Variants in CEP126 observed in about 807,000 individuals in gnomAD.
CEP126 encodes the protein centrosomal protein of 126 kDa.
In CEP126, 74 loss-of-function variants were observed where a neutral mutation model predicts 107.8. The ratio of observed to expected loss-of-function variants is 0.69; its 90% CI spans 0.57 to 0.83. The LOEUF is 0.83. Ranked by LOEUF, CEP126 falls within the 40% of genes least tolerant of loss-of-function variation. CEP126 has a pLI of 0.00. For missense variants in CEP126, 1,237 were observed against 1,281.9 expected (o/e 0.96, Z 0.53); for synonymous variants, 449 against 446.0 (o/e 1.01, Z -0.08).
intron 4 of CEP126, among the ~76,000 whole-genome samples, chr11:101,948,969 T>C (rs1431365425): frequency 6.6e-6 from 1 of 152,208 alleles, no homozygotes; most frequent in Non-Finnish European, 1.5e-5. Context: ...TTCCCTTGAT[T>C]AGGACTAAGA....
At chr11:101,959,202 G>C (rs1353138773) in intron 5 of CEP126, among the ~76,000 whole-genome samples, 1 of 151,344 alleles carries the variant, frequency 6.6e-6, no homozygotes, top group African/African-American at 2.4e-5. Flanking sequence ...CTGTCACCAG[G>C]CTGGAGTACA....
intron 5 of CEP126, 24 bp downstream of exon 5, chr11:101,958,390 T>C: frequency 6.3e-7 from 1 of 1,584,626 alleles, no homozygotes; most frequent in Non-Finnish European, 8.7e-7. Flanking sequence ...AAAATGTTGT[T>C]AATATTTTAA....
intron 7 of CEP126, among the ~76,000 whole-genome samples, chr11:101,979,834 G>T (rs1591292407): frequency 6.6e-6 from 1 of 152,258 alleles, no homozygotes; most frequent in Non-Finnish European, 1.5e-5. Flanking sequence ...TTTTCTAGAG[G>T]TCTAACTTGA....
At chr11:101,968,488 G>A (rs2137117383) in intron 6 of CEP126, among the ~76,000 whole-genome samples, 1 of 152,306 alleles carries the variant, frequency 6.6e-6, no homozygotes, top group Non-Finnish European at 1.5e-5. Context: ...TAGAATAAAT[G>A]AGCAGGATTG....
At chr11:101,943,057 T>G (rs560842977) in intron 2 of CEP126, among the ~76,000 whole-genome samples, 2 of 152,016 alleles carry the variant, frequency 1.3e-5, no homozygotes, top group African/African-American at 4.8e-5. Flanking sequence ...CTAGAGTTAA[T>G]TTCACTTTTT....
intron 8 of CEP126, among the ~76,000 whole-genome samples, chr11:101,983,017 G>A (rs1484140012): frequency 6.6e-6 from 1 of 152,174 alleles, no homozygotes; most frequent in Non-Finnish European, 1.5e-5. Flanking sequence ...ATGCTCACAA[G>A]GAGTAATAAA....
At chr11:101,991,065 A>G (rs936861483) in intron 9 of CEP126, among the ~76,000 whole-genome samples, 2 of 151,816 alleles carry the variant, frequency 1.3e-5, no homozygotes, top group South Asian at 2.1e-4. Flanking sequence ...GGTCCCAGCT[A>G]CTCCAGAGGC....
chr11:101,995,468 A>T (rs1941431398), intron 10 of CEP126, among the ~76,000 whole-genome samples: 1 of 152,172 alleles, frequency 6.6e-6, no homozygotes, highest in Admixed American at 6.5e-5. Context: ...AGCTCTCTGA[A>T]GAATTCAAAT....
intron 5 of CEP126, among the ~76,000 whole-genome samples, chr11:101,960,942 T>G (rs1222753939): frequency 6.6e-6 from 1 of 152,100 alleles, no homozygotes; most frequent in Non-Finnish European, 1.5e-5. Flanking sequence ...GAAATATTTT[T>G]AAACATTTAC....
In CEP126 at chr11:101,999,715, T is replaced by C. The variant is rs1336196686; in HGVS notation, c.*2072T>C. ...CATAAAGAGCCTTTGTGAATTAAAG[T>C]GGAAGAGAATAACACTTTGCATGCT... On this transcript the variant is annotated 3_prime_UTR_variant, in exon 11 of 11. Transcript: ENST00000263468. 6.6e-6 allele frequency: 1 copy of C among 152,050 alleles called. No individual in the cohort carries two copies. Among genetic ancestry groups the C allele is most frequent in the Non-Finnish European group, 1.5e-5 (1 of 68,022 alleles). The allele number at this position is 152,050 out of a possible 1,614,324, so 9.4% of individuals were successfully genotyped here.
Position 101,958,339 on chromosome 11 carries a change from C to T in CEP126, c.678C>T (p.Leu226=), listed in dbSNP as rs61742070. 2,820 of 1,613,704 alleles carry T rather than the reference C, an allele frequency of 1.7e-3. 47 individuals carry two copies. In the African/African-American group the frequency reaches 0.033, roughly 19 times the overall value. Residue 226 remains leucine, a synonymous_variant, in exon 5 of 11, where the codon CTC becomes CTT. Transcript: ENST00000263468. ...QLKLEETQKL[L]EDQHLSNLQK... is the part of the protein sequence containing the mutation. ...AACTGGAGGAAACTCAGAAACTCCTCGAAGATCAACATCTAAGCAATTTGC... is the reference window on the plus strand; with the variant it reads ...AACTGGAGGAAACTCAGAAACTCCTTGAAGATCAACATCTAAGCAATTTGC...
intron 4 of CEP126, 60 bp from the exon 5 acceptor site, chr11:101,958,108 A>G (rs893078488): frequency 5.0e-6 from 7 of 1,412,012 alleles, no homozygotes; most frequent in Non-Finnish European, 6.9e-6. Context: ...ATGTATATAC[A>G]TATAGAAAGA....
At chr11:101,983,873 T>G (rs1184802785) in intron 8 of CEP126, among the ~76,000 whole-genome samples, 1 of 152,028 alleles carries the variant, frequency 6.6e-6, no homozygotes, top group East Asian at 1.9e-4. Context: ...TTTCAAGGAG[T>G]GAATTTCTTA....
chr11:101,961,780 A>G lies in CEP126; in HGVS notation c.745A>G (p.Thr249Ala), dbSNP rs1189488969. The G allele has an allele frequency of 6.4e-7, 1 of 1,562,448 alleles. No individual in the cohort carries two copies. The highest frequency in any genetic ancestry group is 1.4e-5 in the African/African-American group (1 of 72,338). ...AGTTAATCAGATAACCAATTCTGAA[A>G]CCCTCTCAAGTATAGACAGTCTTGA... is the stretch of plus-strand genomic sequence containing the variant. Reference protein sequence around the residue: ...DEVNQITNSETLSSIDSLEAT... With the variant: ...DEVNQITNSEALSSIDSLEAT... The change falls in exon 6 of 11, where the codon ACC becomes GCC. Residue 249 changes from threonine (T) to alanine (A), a missense_variant. Thr to Ala is a moderately conservative substitution (Grantham distance 58, BLOSUM62 0). Transcript: ENST00000263468.
In CEP126 at chr11:101,951,931, A is replaced by T. The variant is rs1940818987; in HGVS notation, c.506+3789A>T. 3.9e-5 allele frequency among the ~76,000 whole-genome samples: 6 copies of T among 152,242 alleles called. No individual in the cohort carries two copies. In the South Asian group the frequency reaches 1.2e-3, roughly 31 times the overall value. On this transcript the variant is annotated intron_variant, in intron 4 of 10. Coordinates refer to ENST00000263468, the MANE Select transcript of CEP126 (RefSeq NM_020802.4). ...CCCCACAACCAGATTGTAATATTCT[A>T]AAGGACAGTGTCTCAGTCTTACATA... is the stretch of plus-strand genomic sequence containing the variant.
chr11:101,979,641 T>A (rs572784420), intron 7 of CEP126, among the ~76,000 whole-genome samples: 1 of 152,190 alleles, frequency 6.6e-6, no homozygotes, highest in East Asian at 1.9e-4. Context: ...GAGGCTGAGG[T>A]TCCGGGAGGA....
chr11:101,930,790 G>C (rs894189110), intron 2 of CEP126, among the ~76,000 whole-genome samples: 4 of 152,192 alleles, frequency 2.6e-5, no homozygotes, highest in Non-Finnish European at 2.9e-5. Flanking sequence ...CAGAGGCCCA[G>C]CTGGCTTCAC....
chr11:101,963,103 A>T lies in CEP126; in HGVS notation c.2068A>T (p.Arg690Trp). The change falls in exon 6 of 11, where the codon AGG becomes TGG. Residue 690 changes from arginine (R) to tryptophan (W), a missense_variant. Arg to Trp is a moderately radical substitution (Grantham distance 101). This residue lies in a region of CEP126 where 1,134 missense variants were observed against 1,150.5 expected (regional missense o/e 0.99). Transcript: ENST00000263468. ...AAATTCTGCTGATACAAAGAAGTCC[A>T]GGGAGGATTCTATCTCTGAAAATGT... ...AVNSADTKKSREDSISENVTT... is the reference protein window; with the variant it reads ...AVNSADTKKSWEDSISENVTT... 3 of 1,614,164 alleles carry T rather than the reference A, an allele frequency of 1.9e-6. No individual in the cohort carries two copies. Among genetic ancestry groups the T allele is most frequent in the Non-Finnish European group, 2.5e-6 (3 of 1,180,006 alleles).
At chr11:101,964,465 C>G (rs1391597075) in intron 6 of CEP126, among the ~76,000 whole-genome samples, 2 of 150,418 alleles carry the variant, frequency 1.3e-5, no homozygotes. Flanking sequence ...GAAACCCTGT[C>G]TCTACAAAAA....
Sources: gnomAD v4.1 joint callset for allele counts (sites outside exome capture counted in the v4.1 genomes callset) on GRCh38, gnomAD v4.1.1 for gene constraint, gnomAD v4.1.1 regional missense constraint, MANE v1.5 for transcripts, NCBI Gene and HGNC (gene_info 2026-07-23, HGNC 2026-07-21) for gene names.